CNTNAP5: variants seen among roughly 807,000 people sequenced by gnomAD.
CNTNAP5 encodes the protein contactin-associated protein-like 5.
A neutral mutation model predicts 150.2 loss-of-function variants in CNTNAP5; 72 were observed. The ratio of observed to expected loss-of-function variants is 0.48; its 90% CI spans 0.40 to 0.58. The LOEUF is 0.58. Ranked by LOEUF, CNTNAP5 falls within the 20% of genes least tolerant of loss-of-function variation. The pLI is 0.00. For missense variants in CNTNAP5, 1,636 were observed against 1,626.2 expected, an observed-to-expected ratio of 1.01 and a Z score of -0.10; for synonymous variants, 672 against 619.8, an observed-to-expected ratio of 1.08 and a Z score of -1.25.
At chr2:124,393,914 AG>A (rs2104751271) in intron 3 of CNTNAP5, among the ~76,000 whole-genome samples, 1 of 152,352 alleles carries the variant, frequency 6.6e-6, no homozygotes, top group African/African-American at 2.4e-5. Context: ...CAACACTGTC[AG>A]CTTTAAGCTA....
chr2:124,856,991 G>A (rs1025030109), intron 19 of CNTNAP5, among the ~76,000 whole-genome samples: 6 of 152,124 alleles, frequency 3.9e-5, no homozygotes, highest in African/African-American at 1.4e-4. Flanking sequence ...GGGCTCACAG[G>A]AGTGATACAA....
At chr2:124,433,977 T>C (rs561584035) in intron 4 of CNTNAP5, among the ~76,000 whole-genome samples, 11 of 152,322 alleles carry the variant, frequency 7.2e-5, no homozygotes, top group Non-Finnish European at 1.6e-4. Context: ...TGAGTATTTT[T>C]TTCCACTGAA....
chr2:124,098,918 T>C (rs983534550), intron 1 of CNTNAP5, among the ~76,000 whole-genome samples: 13 of 152,170 alleles, frequency 8.5e-5, no homozygotes, highest in Admixed American at 2.6e-4. Context: ...CTGAAGACAC[T>C]GCACCAACTG....
chr2:124,564,558 GTTGGCCAGGCTGGCCTCGAAC>G (rs1188429148), intron 11 of CNTNAP5, among the ~76,000 whole-genome samples: 1 of 152,094 alleles, frequency 6.6e-6, no homozygotes, highest in African/African-American at 2.4e-5. Context: ...GTTTCACCGT[GTTGGCCAGGCTGGCCTCGAAC>G]TCCTGACCTC....
intron 1 of CNTNAP5, among the ~76,000 whole-genome samples, chr2:124,136,205 G>A (rs1266500635): frequency 3.3e-5 from 5 of 152,232 alleles, no homozygotes; most frequent in East Asian, 1.9e-4. Context: ...TAAATCCCCA[G>A]AGCTGTAAGT....
intron 22 of CNTNAP5, among the ~76,000 whole-genome samples, chr2:124,908,852 A>C (rs1166964518): frequency 6.6e-6 from 1 of 152,156 alleles, no homozygotes; most frequent in African/African-American, 2.4e-5. Context: ...AAAAGTAAAA[A>C]ATAACAGTAA....
intron 13 of CNTNAP5, among the ~76,000 whole-genome samples, chr2:124,666,530 C>T (rs1678704474): frequency 6.6e-6 from 1 of 152,122 alleles, no homozygotes; most frequent in South Asian, 2.1e-4. Flanking sequence ...GAGGTGTCAT[C>T]ACAAGGCATG....
chr2:124,037,551 G>A lies in CNTNAP5; in HGVS notation c.82+11819G>A, dbSNP rs183725025. Among the ~76,000 whole-genome samples the A allele has an allele frequency of 6.2e-3, 938 of 152,268 alleles. 12 individuals are homozygous for A. The highest frequency in any genetic ancestry group is 0.021 in the African/African-American group (863 of 41,548). On this transcript the variant is annotated intron_variant, in intron 1 of 23. Transcript: ENST00000682447. ...TTGTGACAACATAGATTAACCTGGA[G>A]GACATTATGTCAAGTGAAACAAGCC...
At chr2:124,750,360 G>C (rs1319193687) in intron 14 of CNTNAP5, among the ~76,000 whole-genome samples, 1 of 152,154 alleles carries the variant, frequency 6.6e-6, no homozygotes, top group Non-Finnish European at 1.5e-5. Flanking sequence ...AGATCAGAAA[G>C]TTTCTTCTGT....
At chr2:124,545,447 G>T (rs1178993156) in intron 10 of CNTNAP5, among the ~76,000 whole-genome samples, 1 of 151,984 alleles carries the variant, frequency 6.6e-6, no homozygotes, top group Non-Finnish European at 1.5e-5. Context: ...TCAAACATTT[G>T]GAAAACCTAA....
intron 17 of CNTNAP5, among the ~76,000 whole-genome samples, chr2:124,783,864 C>T (rs1681505108): frequency 6.6e-6 from 1 of 152,108 alleles, no homozygotes. Context: ...CTCTATCTGG[C>T]AAAACTCAAC....
At chr2:124,539,675 A>C (rs1012652378) in intron 10 of CNTNAP5, among the ~76,000 whole-genome samples, 1 of 152,186 alleles carries the variant, frequency 6.6e-6, no homozygotes, top group Non-Finnish European at 1.5e-5. Context: ...ATTGACTGAG[A>C]TCGGAAAGAA....
chr2:124,792,119 T>G (rs570461493), intron 18 of CNTNAP5, among the ~76,000 whole-genome samples: 71 of 152,260 alleles, frequency 4.7e-4, no homozygotes, highest in African/African-American at 1.6e-3. Context: ...GCGCAGTATA[T>G]TTCAAGGAGA....
At chr2:124,319,511 C>T (rs1689049018) in intron 3 of CNTNAP5, among the ~76,000 whole-genome samples, 1 of 152,064 alleles carries the variant, frequency 6.6e-6, no homozygotes, top group Non-Finnish European at 1.5e-5. Context: ...GACTCTTTTC[C>T]AGACTAATGT....
At chr2:124,126,365 T>C (rs1052466057) in intron 1 of CNTNAP5, among the ~76,000 whole-genome samples, 16 of 152,174 alleles carry the variant, frequency 1.1e-4, no homozygotes, top group Admixed American at 9.8e-4. Context: ...CAGGAAGAAG[T>C]TGAATCTCTG....
At chr2:124,094,757 C>T (rs1034692981) in intron 1 of CNTNAP5, among the ~76,000 whole-genome samples, 1 of 152,154 alleles carries the variant, frequency 6.6e-6, no homozygotes, top group South Asian at 2.1e-4. Flanking sequence ...TGGAGGCATG[C>T]ACAGCCCCAG....
chr2:124,783,401 C>A (rs760229699), intron 17 of CNTNAP5, among the ~76,000 whole-genome samples: 49 of 152,128 alleles, frequency 3.2e-4, no homozygotes, highest in Non-Finnish European at 5.9e-4. Context: ...TTCCCTCCCC[C>A]AGTCTGTAAC....
At chr2:124,399,247 G>A (rs531508677) in intron 3 of CNTNAP5, among the ~76,000 whole-genome samples, 2 of 152,150 alleles carry the variant, frequency 1.3e-5, no homozygotes, top group African/African-American at 4.8e-5. Flanking sequence ...AAGAAGAGAG[G>A]AGGAGATCAT....
At chr2:124,513,144 T>C (rs1202282813) in intron 8 of CNTNAP5, among the ~76,000 whole-genome samples, 1 of 152,142 alleles carries the variant, frequency 6.6e-6, no homozygotes, top group Admixed American at 6.6e-5. Context: ...ATTTTCTCAG[T>C]TTTGGAGGCT....
Sources: gnomAD v4.1 joint callset for allele counts (sites outside exome capture counted in the v4.1 genomes callset) on GRCh38, gnomAD v4.1.1 for gene constraint, MANE v1.5 for transcripts, NCBI Gene and HGNC (gene_info 2026-07-23, HGNC 2026-07-21) for gene names.